The following MAP3K15 variants were observed in gnomAD, a reference collection of about 807,000 sequenced individuals.
MAP3K15 encodes the protein mitogen-activated protein kinase kinase kinase 15.
Under a neutral mutation model 99.5 loss-of-function variants are expected in MAP3K15, and 124 were observed. The ratio of observed to expected loss-of-function variants is 1.25; its 90% CI spans 1.08 to 1.45. The LOEUF is 1.45. MAP3K15 is among the 40% of genes most tolerant of loss of function. MAP3K15 has a pLI of 0.00. For missense variants in MAP3K15, 1,242 were observed against 1,079.7 expected (o/e 1.15, Z -2.11); for synonymous variants, 494 against 439.6 (o/e 1.12, Z -1.55).
At chrX:19,363,427 T>G (rs1205421741) in intron 25 of MAP3K15, among the ~76,000 whole-genome samples, 1 of 112,155 alleles carries the variant, frequency 8.9e-6, no homozygotes, top group Non-Finnish European at 1.9e-5. Context: ...CTGGTTATTT[T>G]GTTACAGTAG....
At chrX:19,447,824 C>T (rs1409818736) in intron 6 of MAP3K15, among the ~76,000 whole-genome samples, 3 of 83,219 alleles carry the variant, frequency 3.6e-5, no homozygotes, top group Non-Finnish European at 4.7e-5. Flanking sequence ...GCGGAGCTTG[C>T]AGTGAGCCGA....
At chrX:19,488,804 C>G (rs560514419) in intron 2 of MAP3K15, 24 bp downstream of exon 2, 5 of 1,176,526 alleles carry the variant, frequency 4.2e-6, no homozygotes, top group Middle Eastern at 2.4e-4. Flanking sequence ...ACAAAGTACT[C>G]AGGAGAAGGT....
chrX:19,418,518 C>T (rs1485694859), intron 9 of MAP3K15, among the ~76,000 whole-genome samples: 1 of 111,164 alleles, frequency 9.0e-6, no homozygotes, highest in East Asian at 2.8e-4. Context: ...AACAAAGCCA[C>T]CAAGAAATAT....
At chrX:19,360,925 A>G in intron 28 of MAP3K15, 92 bp from the exon 29 acceptor site, 1 of 670,350 alleles carries the variant, frequency 1.5e-6, no homozygotes, top group Non-Finnish European at 2.3e-6. Context: ...TAATGAAAAT[A>G]AAAACATTCT....
Position 19,515,144 on chromosome X carries a change from C to G in MAP3K15, c.118G>C (p.Ala40Pro). ...GAAGPAEPDG[A>P]AEGAAGGSGE... The stretch of plus-strand genomic sequence containing the variant: ...CTGCCGCCTGCCGCGCCCTCCGCCG[C>G]CCCGTCGGGCTCCGCCGGCCCGGCC... The change falls in exon 1 of 29, where the codon GCG becomes CCG. Residue 40 changes from alanine (A) to proline (P), a missense_variant. Ala to Pro is a conservative substitution (Grantham distance 27). Transcript: ENST00000338883. The G allele has an allele frequency of 1.3e-6, 1 of 793,620 alleles. No individual in the cohort carries two copies. Among genetic ancestry groups the G allele is most frequent in the Non-Finnish European group, 1.5e-6 (1 of 654,858 alleles). 65.4% of individuals were successfully genotyped at this position (793,620 alleles called of 1,213,427 possible).
intron 9 of MAP3K15, 45 bp downstream of exon 9, chrX:19,425,486 A>T (rs2063821837): frequency 8.9e-7 from 1 of 1,125,748 alleles, no homozygotes; most frequent in African/African-American, 1.8e-5. Context: ...TCAGAACAAG[A>T]TCATGTATTG....
chrX:19,442,781 G>A (rs1407051701), intron 6 of MAP3K15, among the ~76,000 whole-genome samples: 2 of 105,440 alleles, frequency 1.9e-5, no homozygotes, highest in African/African-American at 6.9e-5. Context: ...GGAGTGCAGT[G>A]ACACAATCTC....
intron 4 of MAP3K15, among the ~76,000 whole-genome samples, chrX:19,463,281 G>T (rs892205835): frequency 1.8e-5 from 2 of 111,773 alleles, no homozygotes; most frequent in African/African-American, 6.5e-5. Flanking sequence ...TGACGGGATA[G>T]AAAAGGAGAC....
chrX:19,385,355 A>T (rs2063487484), intron 18 of MAP3K15, among the ~76,000 whole-genome samples: 1 of 111,577 alleles, frequency 9.0e-6, no homozygotes, highest in Non-Finnish European at 1.9e-5. Flanking sequence ...CCTCAGAGAG[A>T]CTGATCCGAG....
intron 13 of MAP3K15, among the ~76,000 whole-genome samples, chrX:19,405,943 G>T (rs986486213): frequency 2.7e-5 from 3 of 112,017 alleles, no homozygotes; most frequent in Non-Finnish European, 3.8e-5. Flanking sequence ...ATTGGACTAA[G>T]AATTTGAATA....
intron 1 of MAP3K15, among the ~76,000 whole-genome samples, chrX:19,501,070 A>G (rs2064437353): frequency 9.0e-6 from 1 of 111,475 alleles, no homozygotes; most frequent in African/African-American, 3.3e-5. Context: ...AAGGAAGCTC[A>G]GGGAAGGGCC....
At chrX:19,393,274 A>G (rs779105032) in intron 16 of MAP3K15, among the ~76,000 whole-genome samples, 3 of 111,344 alleles carry the variant, frequency 2.7e-5, no homozygotes, top group Admixed American at 9.5e-5. Context: ...GGATGAACAC[A>G]TCTGTCTCTA....
Position 19,373,726 on chromosome X carries a change from G to A in MAP3K15, c.2774-31C>T, listed in dbSNP as rs758267041. On this transcript the variant is annotated intron_variant, in intron 20 of 28. Coordinates refer to ENST00000338883, the MANE Select transcript of MAP3K15 (RefSeq NM_001001671.4). The stretch of plus-strand genomic sequence containing the variant: ...GGGGGACAGCCAGACACCGAATGGG[G>A]AGACTCAGAGAGGGACGGGGTGGAG... The A allele has an allele frequency of 3.7e-5, 44 of 1,179,882 alleles. No individual in the cohort carries two copies. The African/African-American group carries it at 7.2e-4, about 19-fold the overall frequency.
intron 6 of MAP3K15, among the ~76,000 whole-genome samples, chrX:19,445,359 G>A (rs12013865): frequency 9.1e-6 from 1 of 109,958 alleles, no homozygotes; most frequent in Non-Finnish European, 1.9e-5. Flanking sequence ...GGGAGGCTGA[G>A]GTGGGTGGAT....
At chrX:19,476,423 A>T (rs1216250983) in intron 3 of MAP3K15, among the ~76,000 whole-genome samples, 2 of 112,033 alleles carry the variant, frequency 1.8e-5, no homozygotes, top group African/African-American at 3.2e-5. Flanking sequence ...ATACGGGGCA[A>T]TGGATTTTTT....
At chrX:19,397,075 T>C (rs913194941) in intron 15 of MAP3K15, among the ~76,000 whole-genome samples, 2 of 109,780 alleles carry the variant, frequency 1.8e-5, no homozygotes, top group African/African-American at 6.6e-5. Context: ...ACCTAAGTTT[T>C]GTATTTTTAA....
intron 18 of MAP3K15, among the ~76,000 whole-genome samples, chrX:19,388,365 C>T (rs766063307): frequency 8.9e-6 from 1 of 111,946 alleles, no homozygotes; most frequent in Non-Finnish European, 1.9e-5. Flanking sequence ...GAACTCCCGC[C>T]CCAGGCAGGA....
At chrX:19,497,931 C>A (rs2064417669) in intron 1 of MAP3K15, among the ~76,000 whole-genome samples, 2 of 111,646 alleles carry the variant, frequency 1.8e-5, no homozygotes, top group African/African-American at 3.2e-5. Context: ...ACTTTCCTTA[C>A]AACCTGCAGG....
chrX:19,413,510 T>C (rs1439367535), intron 10 of MAP3K15, 46 bp from the exon 11 acceptor site: 4 of 985,593 alleles, frequency 4.1e-6, no homozygotes, highest in Non-Finnish European at 4.3e-6. Context: ...GTAGAAAACA[T>C]AGCGCACCCT....
Sources: gnomAD v4.1 joint callset for allele counts (sites outside exome capture counted in the v4.1 genomes callset) on GRCh38, gnomAD v4.1.1 for gene constraint, MANE v1.5 for transcripts, NCBI Gene and HGNC (gene_info 2026-07-23, HGNC 2026-07-21) for gene names.